Variants in KANK1 observed in about 807,000 individuals in gnomAD.
KANK1 encodes the protein KN motif and ankyrin repeat domain-containing protein 1.
KANK1 carries 109 observed loss-of-function variants against 106.2 expected under a neutral mutation model. That is an observed-to-expected ratio of 1.03 (90% CI 0.88 to 1.20). The LOEUF (loss-of-function observed/expected upper bound fraction) is 1.20, where lower values mean the gene tolerates loss of function less well. Among genes scored for constraint, KANK1 ranks in the 50% most tolerant of loss-of-function variants. The pLI, the probability that KANK1 is intolerant of heterozygous loss-of-function variation, is 0.00. For synonymous variants in KANK1, 873 were observed against 652.2 expected (o/e 1.34, Z -5.16); for missense variants, 2,399 against 1,710.7 (o/e 1.40, Z -7.10).
At chr9:470,422 C>T (rs537647578) in intron 1 of KANK1, 1 of 152,460 alleles carries the variant, frequency 6.6e-6, no homozygotes, top group African/African-American at 2.4e-5. Flanking sequence ...TTTTTCTCAA[C>T]ACTGTGAAGC....
intron 11 of KANK1, 39 bp from the exon 12 acceptor site, chr9:745,134 C>CTTATTAACCCCCAGTT (rs1564149946): frequency 6.2e-7 from 1 of 1,610,334 alleles, no homozygotes. Flanking sequence ...CCTGAGGTCA[C>CTTATTAACCCCCAGTT]TTATTAACCC....
At chr9:582,486 C>G (rs903218524) in intron 1 of KANK1, among the ~76,000 whole-genome samples, 3 of 152,284 alleles carry the variant, frequency 2.0e-5, no homozygotes, top group Admixed American at 2.0e-4. Context: ...ACCAGCCTCA[C>G]TCACACTGTG....
At chr9:720,946 A>C (rs1206505320) in intron 3 of KANK1, among the ~76,000 whole-genome samples, 1 of 152,212 alleles carries the variant, frequency 6.6e-6, no homozygotes, top group Non-Finnish European at 1.5e-5. Flanking sequence ...TTGAAACTAG[A>C]GGGGAGTCTA....
At chr9:631,558 T>G (rs1835745128) in intron 1 of KANK1, among the ~76,000 whole-genome samples, 1 of 151,916 alleles carries the variant, frequency 6.6e-6, no homozygotes, top group African/African-American at 2.4e-5. Context: ...ACATTCCTCC[T>G]CCTCTAGGCA....
chr9:597,687 A>G (rs1826564315), intron 1 of KANK1, among the ~76,000 whole-genome samples: 3 of 151,228 alleles, frequency 2.0e-5, no homozygotes, highest in Admixed American at 6.6e-5. Context: ...TTTTTTAGAC[A>G]GAGTCTTGCT....
At chr9:478,616 C>G (rs960740826) in intron 3 of KANK1, among the ~76,000 whole-genome samples, 2 of 152,208 alleles carry the variant, frequency 1.3e-5, no homozygotes, top group Non-Finnish European at 2.9e-5. Context: ...CTAAAGCTCA[C>G]TTTCTCACAA....
intron 1 of KANK1, among the ~76,000 whole-genome samples, chr9:616,710 T>C (rs1050992668): frequency 6.6e-6 from 1 of 150,728 alleles, no homozygotes; most frequent in Admixed American, 6.6e-5. Context: ...TTTACTCATA[T>C]GCTACACGTC....
At chr9:592,706 T>A (rs776154836) in intron 1 of KANK1, among the ~76,000 whole-genome samples, 27 of 151,960 alleles carry the variant, frequency 1.8e-4, no homozygotes, top group Non-Finnish European at 3.4e-4. Context: ...TGAAACTTAG[T>A]TTGAAATGTG....
intron 3 of KANK1, among the ~76,000 whole-genome samples, chr9:717,760 T>C (rs1272370617): frequency 6.6e-6 from 1 of 152,210 alleles, no homozygotes; most frequent in Non-Finnish European, 1.5e-5. Context: ...TTTTTTTAAT[T>C]ACTATTTTCT....
chr9:509,012 C>G (rs557648691), intron 1 of KANK1, among the ~76,000 whole-genome samples: 4 of 152,044 alleles, frequency 2.6e-5, no homozygotes, highest in African/African-American at 9.7e-5. Context: ...TACTTCTACC[C>G]GTAGTGTGAG....
chr9:702,100 G>C (rs951354918), intron 2 of KANK1, among the ~76,000 whole-genome samples: 1 of 152,168 alleles, frequency 6.6e-6, no homozygotes, highest in African/African-American at 2.4e-5. Context: ...TCTGAACTTG[G>C]AGAGTTTTCT....
chr9:604,234 C>G (rs1224362757), intron 1 of KANK1, among the ~76,000 whole-genome samples: 1 of 151,604 alleles, frequency 6.6e-6, no homozygotes, highest in Non-Finnish European at 1.5e-5. Context: ...CTAATAATGA[C>G]CATTTATTGA....
chr9:504,138 G>C (rs1426564946), upstream of KANK1, among the ~76,000 whole-genome samples: 1 of 152,138 alleles, frequency 6.6e-6, no homozygotes, highest in Non-Finnish European at 1.5e-5. Context: ...AGAGGCGCTG[G>C]GGGAGGACGT....
chr9:580,819 G>T (rs1347948379), intron 1 of KANK1, among the ~76,000 whole-genome samples: 1 of 152,236 alleles, frequency 6.6e-6, no homozygotes, highest in African/African-American at 2.4e-5. Flanking sequence ...CGCGGAGCAG[G>T]GGGCGGTGCT....
intron 1 of KANK1, among the ~76,000 whole-genome samples, chr9:511,265 A>G (rs1390351290): frequency 6.6e-6 from 1 of 152,188 alleles, no homozygotes; most frequent in Non-Finnish European, 1.5e-5. Flanking sequence ...GCAGTGCTTG[A>G]CACATAATAC....
At chr9:732,217 A>G (rs1832494522) in intron 5 of KANK1, 161 bp from the exon 6 acceptor site, 1 of 758,152 alleles carries the variant, frequency 1.3e-6, no homozygotes, top group Admixed American at 2.8e-5. Flanking sequence ...ATTCAAAACC[A>G]CCAGGCATTT....
intron 1 of KANK1, among the ~76,000 whole-genome samples, chr9:517,446 T>G (rs62531463): frequency 0.13 from 19,970 of 151,064 alleles, 2,544 homozygotes; most frequent in African/African-American, 0.31. Context: ...GTTTTTAGGC[T>G]AATAAAGAAC....
At position 731,158 on chromosome 9, in the gene KANK1, C is replaced by T; in HGVS notation, c.2897C>T (p.Ala966Val). 6.3e-7 allele frequency: 1 copy of T among 1,576,114 alleles called. No individual in the cohort carries two copies. The highest frequency in any genetic ancestry group is 2.2e-5 in the East Asian group (1 of 44,546). The stretch of plus-strand genomic sequence containing the variant: ...TTTTATTGCCTTGACTTTTTCACAG[C>T]ATGTACAAACAATGAAAGTACACTG... ...TDDQIAAGLY[A>V]CTNNESTLKS... Residue 966 changes from alanine to valine, a missense_variant and splice_region_variant, in exon 5 of 12, where the codon GCA (alanine) becomes GTA (valine). Physicochemically the swap from Ala to Val is moderately conservative, Grantham distance 64. Coordinates refer to ENST00000382297, the MANE Select transcript of KANK1 (RefSeq NM_015158.5).
In KANK1 at chr9:712,251, T is replaced by A. The variant is rs1188634039; in HGVS notation, c.1485T>A (p.Ala495=). The A allele has an allele frequency of 6.2e-7, 1 of 1,613,964 alleles. No homozygotes were observed. Among genetic ancestry groups the A allele is most frequent in the East Asian group, 2.2e-5 (1 of 44,882 alleles). Residue 495 remains alanine, a synonymous_variant, in exon 3 of 12, where the codon GCT becomes GCA. Coordinates refer to ENST00000382297, the MANE Select transcript of KANK1 (RefSeq NM_015158.5). ...MTKLKQELQA[A]GSRKKVDKAT... ...AACTGAAACAAGAGCTGCAGGCTGC[T>A]GGATCGAGGAAAAAGGTTGACAAAG... is the stretch of plus-strand genomic sequence containing the variant.
Sources: gnomAD v4.1 joint callset for allele counts (sites outside exome capture counted in the v4.1 genomes callset) on GRCh38, gnomAD v4.1.1 for gene constraint, MANE v1.5 for transcripts, NCBI Gene and HGNC (gene_info 2026-07-23, HGNC 2026-07-21) for gene names.